The following P3H2 variants were observed in gnomAD, a reference collection of about 807,000 sequenced individuals.
P3H2 encodes leprecan-like 1.
In P3H2, 80 loss-of-function variants were observed where a neutral mutation model predicts 87.0. That is an observed-to-expected ratio of 0.92 (90% CI 0.77 to 1.11). The LOEUF (loss-of-function observed/expected upper bound fraction) is 1.11. Among genes scored for constraint, P3H2 ranks in the 50% least tolerant of loss-of-function variants. P3H2 has a pLI of 0.00. For synonymous variants in P3H2, 367 were observed against 359.3 expected, an observed-to-expected ratio of 1.02 and a Z score of -0.24; for missense variants, 1,001 against 923.9, an observed-to-expected ratio of 1.08 and a Z score of -1.08.
At chr3:189,998,537 C>A (rs1186697075) in intron 1 of P3H2, among the ~76,000 whole-genome samples, 2 of 152,208 alleles carry the variant, frequency 1.3e-5, no homozygotes, top group Non-Finnish European at 2.9e-5. Flanking sequence ...TTTACTGGTA[C>A]TTACCATTCT....
chr3:189,998,733 T>C (rs987624827), intron 1 of P3H2, among the ~76,000 whole-genome samples: 1 of 152,224 alleles, frequency 6.6e-6, no homozygotes, highest in Non-Finnish European at 1.5e-5. Context: ...GTATATTACA[T>C]GTGAATATGC....
intron 9 of P3H2, chr3:189,974,245 AT>A: frequency 1.7e-6 from 1 of 592,852 alleles, no homozygotes; most frequent in East Asian, 2.8e-5. Context: ...AATGTAAATT[AT>A]TGATATATTG....
Position 189,957,103 on chromosome 3 carries a change from C to A in P3H2, c.*809G>T, listed in dbSNP as rs1577237344. On this transcript the variant is annotated 3_prime_UTR_variant, in exon 15 of 15. Transcript: ENST00000319332. ...TTATTGTCTGGCGAAAACACCAGAG[C>A]CAAAAATTCCACCAAGGCCCTGGAA... is the stretch of plus-strand genomic sequence containing the variant. The A allele has an allele frequency of 2.5e-6, 1 of 398,560 alleles. No homozygotes were observed. The highest frequency in any genetic ancestry group is 3.6e-5 in the East Asian group (1 of 28,066). The allele number at this position is 398,560 out of a possible 1,614,324, so 24.7% of individuals were successfully genotyped here. A position where few individuals can be genotyped will look rare whatever the true frequency, so the allele number is the denominator to read the frequency against.
chr3:190,074,016 T>C (rs1229246991), intron 1 of P3H2, among the ~76,000 whole-genome samples: 1 of 152,186 alleles, frequency 6.6e-6, no homozygotes, highest in Non-Finnish European at 1.5e-5. Flanking sequence ...TAAGAAATAC[T>C]CTCGTATCAG....
Position 190,089,806 on chromosome 3 carries a change from C to T in P3H2, c.480+30446G>A, listed in dbSNP as rs137876870. On this transcript the variant is annotated intron_variant, in intron 1 of 14. Coordinates refer to ENST00000319332, the MANE Select transcript of P3H2 (RefSeq NM_018192.4). The stretch of plus-strand genomic sequence containing the variant: ...AAGATGGGTGTCCAATCTGTGGGGC[C>T]TGTTTAAAAAGACTTGCATACCACA... Among the ~76,000 whole-genome samples, 154 of 152,234 alleles carry T rather than the reference C, an allele frequency of 1.0e-3. 5 individuals are homozygous for T. The East Asian group carries it at 0.027, about 26-fold the overall frequency.
chr3:190,026,558 A>G (rs1380336879), intron 1 of P3H2, among the ~76,000 whole-genome samples: 2 of 152,212 alleles, frequency 1.3e-5, no homozygotes, highest in East Asian at 3.8e-4. Flanking sequence ...GTTACCCTAT[A>G]TGGTCTAAAA....
At chr3:189,995,747 A>G (rs905537060) in intron 1 of P3H2, among the ~76,000 whole-genome samples, 1 of 152,114 alleles carries the variant, frequency 6.6e-6, no homozygotes, top group Non-Finnish European at 1.5e-5. Flanking sequence ...GATATATAAA[A>G]AGCTGAAAAA....
intron 1 of P3H2, among the ~76,000 whole-genome samples, chr3:190,044,970 GGGA>G (rs1340707023): frequency 2.0e-5 from 3 of 152,162 alleles, no homozygotes; most frequent in African/African-American, 7.2e-5. Flanking sequence ...CAGTAATTTG[GGGA>G]GGAGGAGACT....
chr3:189,983,151 A>G lies in P3H2; in HGVS notation c.1230-11T>C, dbSNP rs1458234330. On this transcript the variant is annotated splice_polypyrimidine_tract_variant and intron_variant, in intron 7 of 14. Transcript: ENST00000319332. ...ACTCCTGAAGGGACCCTGCCCATTCAAAAAATTTAAAATGGCAATTTGTCA... is the reference window on the plus strand; with the variant it reads ...ACTCCTGAAGGGACCCTGCCCATTCGAAAAATTTAAAATGGCAATTTGTCA... The G allele has an allele frequency of 1.2e-6, 2 of 1,602,184 alleles. No homozygotes were observed. The highest frequency in any genetic ancestry group is 2.7e-5 in the African/African-American group (2 of 74,822).
upstream of P3H2, chr3:190,121,024 C>T: frequency 2.2e-6 from 1 of 446,210 alleles, no homozygotes; most frequent in Non-Finnish European, 3.9e-6. Context: ...CCAGGGGCGG[C>T]ACACTCCAGC....
intron 11 of P3H2, among the ~76,000 whole-genome samples, chr3:189,972,468 C>T (rs1013965126): frequency 2.2e-4 from 34 of 152,156 alleles, no homozygotes; most frequent in African/African-American, 6.8e-4. Flanking sequence ...GAGCAGGGAC[C>T]GAGAAGGTCC....
intron 1 of P3H2, among the ~76,000 whole-genome samples, chr3:190,046,420 AG>A (rs927939109): frequency 6.6e-6 from 1 of 152,216 alleles, no homozygotes; most frequent in Non-Finnish European, 1.5e-5. Context: ...GATGAAAGGA[AG>A]AACAGTCTAC....
At chr3:190,090,538 C>T (rs1727374780) in intron 1 of P3H2, among the ~76,000 whole-genome samples, 1 of 152,040 alleles carries the variant, frequency 6.6e-6, no homozygotes. Flanking sequence ...CCCGTCTCTA[C>T]TAAAAATACA....
chr3:190,054,150 G>T (rs992856157), intron 1 of P3H2, among the ~76,000 whole-genome samples: 1 of 152,164 alleles, frequency 6.6e-6, no homozygotes, highest in South Asian at 2.1e-4. Context: ...CTGAAATAAT[G>T]CCTAATCAGA....
At chr3:190,101,225 C>T (rs1290021343) in intron 1 of P3H2, among the ~76,000 whole-genome samples, 2 of 151,832 alleles carry the variant, frequency 1.3e-5, no homozygotes, top group African/African-American at 4.8e-5. Context: ...CCCACAATGG[C>T]TCTAAGTGTT....
At chr3:189,985,610 T>A in intron 6 of P3H2, among the ~76,000 whole-genome samples, 2 of 149,190 alleles carry the variant, frequency 1.3e-5, no homozygotes, top group East Asian at 1.9e-4. Context: ...TTATATATAA[T>A]TATAAATAAA....
chr3:190,072,663 C>T (rs1275008536), intron 1 of P3H2, among the ~76,000 whole-genome samples: 4 of 152,110 alleles, frequency 2.6e-5, no homozygotes, highest in East Asian at 3.9e-4. Context: ...TGCCAATATG[C>T]TCATATAACA....
chr3:190,036,945 A>AATATATAT (rs5855294), intron 1 of P3H2, among the ~76,000 whole-genome samples: 1 of 150,410 alleles, frequency 6.6e-6, no homozygotes, highest in South Asian at 2.1e-4. Flanking sequence ...GAAAGATAAA[A>AATATATAT]ATATATATAT....
Position 190,026,989 on chromosome 3 carries a change from G to C in P3H2, c.481-31547C>G, listed in dbSNP as rs549833025. Among the ~76,000 whole-genome samples, 419 of 152,226 alleles carry C rather than the reference G, an allele frequency of 2.8e-3. 1 individual carries two copies. Among genetic ancestry groups the C allele is most frequent in the South Asian group, 0.018 (86 of 4,824 alleles). ...TTTATACTTTATTTAAAACATAACT[G>C]CCTTCTACAATACGAGCCAAGCACT... On this transcript the variant is annotated intron_variant, in intron 1 of 14. Transcript: ENST00000319332.
Sources: allele counts gnomAD v4.1 joint callset (sites outside exome capture counted in the v4.1 genomes callset), GRCh38; gene constraint gnomAD v4.1.1; transcripts MANE v1.5; gene names NCBI Gene and HGNC (gene_info 2026-07-23, HGNC 2026-07-21).